The following ELAPOR2 variants were observed in gnomAD, a reference collection of about 807,000 sequenced individuals.
ELAPOR2 encodes endosome/lysosome-associated apoptosis and autophagy regulator family member 2.
Under a neutral mutation model 120.7 loss-of-function variants are expected in ELAPOR2, and 89 were observed. The ratio of observed to expected loss-of-function variants is 0.74; its 90% CI spans 0.62 to 0.88. The LOEUF (loss-of-function observed/expected upper bound fraction) is 0.88. Among genes scored for constraint, ELAPOR2 ranks in the 40% least tolerant of loss-of-function variants. ELAPOR2 has a pLI of 0.00. For synonymous variants in ELAPOR2, 444 were observed against 444.9 expected (o/e 1.00, Z 0.03); for missense variants, 1,134 against 1,251.6 (o/e 0.91, Z 1.42).
At chr7:87,025,642 A>T (rs978631876) in intron 1 of ELAPOR2, among the ~76,000 whole-genome samples, 1 of 152,046 alleles carries the variant, frequency 6.6e-6, no homozygotes, top group East Asian at 1.9e-4. Flanking sequence ...GTGATTAAAA[A>T]TTTTTCTTCT....
intron 21 of ELAPOR2, among the ~76,000 whole-genome samples, chr7:86,890,612 C>T (rs1788101154): frequency 6.6e-6 from 1 of 152,028 alleles, no homozygotes; most frequent in Non-Finnish European, 1.5e-5. Flanking sequence ...AACTGTCCTT[C>T]ATCTCTGACA....
In ELAPOR2 at chr7:86,878,486, CAGG is replaced by C. The variant is rs923959001; in HGVS notation, c.*1982_*1984del. 1 of 152,134 alleles carries C rather than the reference CAGG, an allele frequency of 6.6e-6. No individual in the cohort carries two copies. The highest frequency in any genetic ancestry group is 1.5e-5 in the Non-Finnish European group (1 of 68,024). 9.4% of individuals were successfully genotyped at this position (152,134 alleles called of 1,614,324 possible). A position where few individuals can be genotyped will look rare whatever the true frequency, so the allele number is the denominator to read the frequency against. Reference sequence around the variant, plus strand: ...CATGTCAGAGATTTTAGTCCAGTGACAGGAGAAGAAAGAAGCTACCTGGGAGAA... The same window carrying C: ...CATGTCAGAGATTTTAGTCCAGTGACAGAAGAAAGAAGCTACCTGGGAGAA... On this transcript the variant is annotated 3_prime_UTR_variant, in exon 22 of 22. Coordinates refer to ENST00000450689, the MANE Select transcript of ELAPOR2 (RefSeq NM_001142749.3).
intron 2 of ELAPOR2, among the ~76,000 whole-genome samples, chr7:86,949,483 G>A (rs1486323341): frequency 6.6e-6 from 1 of 152,154 alleles, no homozygotes; most frequent in Non-Finnish European, 1.5e-5. Flanking sequence ...CGTCCTCCCA[G>A]GCAGACTCAA....
chr7:86,923,515 G>A (rs1304355205), intron 10 of ELAPOR2, among the ~76,000 whole-genome samples: 3 of 151,604 alleles, frequency 2.0e-5, no homozygotes, highest in African/African-American at 7.3e-5. Flanking sequence ...CCCCATTATT[G>A]AAAATTTAGT....
In ELAPOR2 at chr7:86,914,735, A is replaced by C. The variant is rs1789481846; in HGVS notation, c.1719T>G (p.Asn573Lys). Residue 573 changes from asparagine to lysine, a missense_variant, in exon 13 of 22, where the codon AAT (asparagine) becomes AAG (lysine). Physicochemically the swap from Asn to Lys is moderately conservative, Grantham distance 94. Transcript: ENST00000450689. ...GCTTGGAACTTACATCTTGACCCTG[A>C]TTAGTTCTCTGGAATGCCCATGTAA... The part of the protein sequence containing the change: ...FTFTWAFQRT[N>K]QGQDNRRFIN... 6.2e-7 allele frequency: 1 copy of C among 1,609,896 alleles called. No homozygotes were observed. Among genetic ancestry groups the C allele is most frequent in the East Asian group, 2.2e-5 (1 of 44,676 alleles).
intron 5 of ELAPOR2, among the ~76,000 whole-genome samples, chr7:86,941,018 A>G (rs924953335): frequency 1.2e-4 from 18 of 152,238 alleles, no homozygotes; most frequent in Admixed American, 7.9e-4. Context: ...ATTCTCAGGT[A>G]TACAGATTTT....
rs1197526751 is a variant in ELAPOR2 at position 87,041,057 on chromosome 7, TAGAGAAAAA to T, written c.189+18259_189+18267del. On this transcript the variant is annotated intron_variant, in intron 1 of 21. Coordinates refer to ENST00000450689, the MANE Select transcript of ELAPOR2 (RefSeq NM_001142749.3). ...ATGAAATGAAGGGAGAAGGGAAGTTTAGAGAAAAAAGAATAAAAAGAAATGAGCAAAGCC... is the reference window on the plus strand; with the variant it reads ...ATGAAATGAAGGGAGAAGGGAAGTTTAGAATAAAAAGAAATGAGCAAAGCC... Among the ~76,000 whole-genome samples, 34 of 151,982 alleles carry T rather than the reference TAGAGAAAAA, an allele frequency of 2.2e-4. No homozygotes were observed. In the South Asian group the frequency reaches 5.0e-3, roughly 22 times the overall value.
intron 1 of ELAPOR2, among the ~76,000 whole-genome samples, chr7:87,012,792 T>C (rs906471013): frequency 5.9e-5 from 9 of 152,196 alleles, no homozygotes; most frequent in Non-Finnish European, 8.8e-5. Flanking sequence ...ATGGGTCCTT[T>C]GGCAGAAGGT....
At chr7:86,988,392 T>C (rs973580687) in intron 1 of ELAPOR2, among the ~76,000 whole-genome samples, 4 of 148,844 alleles carry the variant, frequency 2.7e-5, no homozygotes, top group Admixed American at 2.0e-4. Context: ...AGTAAAAAAA[T>C]GCAAATAAAT....
At chr7:87,021,413 T>C (rs1337263683) in intron 1 of ELAPOR2, among the ~76,000 whole-genome samples, 1 of 152,130 alleles carries the variant, frequency 6.6e-6, no homozygotes, top group Non-Finnish European at 1.5e-5. Context: ...GTAAATCTCT[T>C]CCATGTAAAT....
intron 1 of ELAPOR2, among the ~76,000 whole-genome samples, chr7:87,005,484 G>A (rs182362671): frequency 6.6e-5 from 10 of 152,258 alleles, no homozygotes; most frequent in Admixed American, 2.0e-4. Flanking sequence ...GAAGGAAAGA[G>A]TATTCAGAAC....
chr7:87,050,824 A>T (rs1015824809), intron 1 of ELAPOR2, among the ~76,000 whole-genome samples: 1 of 152,200 alleles, frequency 6.6e-6, no homozygotes, highest in Non-Finnish European at 1.5e-5. Context: ...TGATTCAGCT[A>T]TTGGGAAGAG....
At chr7:86,965,991 A>T in intron 1 of ELAPOR2, 1 of 984,068 alleles carries the variant, frequency 1.0e-6, no homozygotes, top group Non-Finnish European at 1.2e-6. Context: ...GCTAACAATG[A>T]CTGTCCTAAT....
intron 10 of ELAPOR2, among the ~76,000 whole-genome samples, chr7:86,921,948 T>C (rs1361188115): frequency 6.6e-6 from 1 of 152,120 alleles, no homozygotes; most frequent in African/African-American, 2.4e-5. Flanking sequence ...CCACATTTTA[T>C]AATGTAAAAA....
chr7:86,944,806 G>T, intron 4 of ELAPOR2, 93 bp downstream of exon 4: 1 of 1,029,446 alleles, frequency 9.7e-7, no homozygotes, highest in Non-Finnish European at 1.4e-6. Context: ...AAAAAAAACT[G>T]AGGAGGAATA....
Position 86,947,757 on chromosome 7 carries a change from G to C in ELAPOR2, c.476C>G (p.Pro159Arg). The C allele has an allele frequency of 6.4e-7, 1 of 1,551,584 alleles. No individual in the cohort carries two copies. The highest frequency in any genetic ancestry group is 8.7e-7 in the Non-Finnish European group (1 of 1,146,914). The change falls in exon 3 of 22, where the codon CCT becomes CGT. Residue 159 changes from proline to arginine, a missense_variant. Physicochemically the swap from Pro to Arg is moderately radical, Grantham distance 103 (BLOSUM62 -2). Coordinates refer to ENST00000450689, the MANE Select transcript of ELAPOR2 (RefSeq NM_001142749.3). Reference sequence around the variant, plus strand: ...ACAGCCGTCTGGCCTGCTGTCAGAAGGGCCCACCACAGTGTCCATGAATGT... The same window carrying C: ...ACAGCCGTCTGGCCTGCTGTCAGAACGGCCCACCACAGTGTCCATGAATGT... The part of the protein sequence containing the change: ...IATFMDTVVG[P>R]SDSRPDGCNN...
At chr7:87,027,191 T>C (rs1237667042) in intron 1 of ELAPOR2, among the ~76,000 whole-genome samples, 1 of 152,146 alleles carries the variant, frequency 6.6e-6, no homozygotes, top group African/African-American at 2.4e-5. Flanking sequence ...CTTCCCAAAG[T>C]AGACATAGTT....
intron 2 of ELAPOR2, among the ~76,000 whole-genome samples, chr7:86,951,163 C>T (rs553088233): frequency 2.6e-5 from 4 of 152,192 alleles, no homozygotes; most frequent in Non-Finnish European, 4.4e-5. Context: ...TTTATTGAAA[C>T]CCAATCCCGA....
At chr7:86,999,628 C>T (rs868618425) in intron 1 of ELAPOR2, among the ~76,000 whole-genome samples, 1 of 152,102 alleles carries the variant, frequency 6.6e-6, no homozygotes, top group Non-Finnish European at 1.5e-5. Flanking sequence ...CAGATTTATC[C>T]ATAACATAAA....
Sources: allele counts gnomAD v4.1 joint callset (sites outside exome capture counted in the v4.1 genomes callset), GRCh38; gene constraint gnomAD v4.1.1; transcripts MANE v1.5; gene names NCBI Gene and HGNC (gene_info 2026-07-23, HGNC 2026-07-21).